Variants in DNMT3B observed in about 807,000 individuals in gnomAD.
DNMT3B encodes the protein DNA (cytosine-5)-methyltransferase 3B.
DNMT3B carries 37 observed loss-of-function variants against 120.2 expected under a neutral mutation model. That is an observed-to-expected ratio of 0.31 (90% CI 0.24 to 0.40). The LOEUF (loss-of-function observed/expected upper bound fraction) is 0.40, where lower values mean the gene tolerates loss of function less well. Ranked by LOEUF, DNMT3B falls within the 10% of genes least tolerant of loss-of-function variation. The pLI, the probability that DNMT3B is intolerant of heterozygous loss-of-function variation, is 1.00. For missense variants in DNMT3B, 878 were observed against 1,137.3 expected (o/e 0.77, Z 3.28); for synonymous variants, 412 against 442.8 (o/e 0.93, Z 0.87).
chr20:32,796,461 T>C (rs575457655), intron 12 of DNMT3B, among the ~76,000 whole-genome samples: 1 of 152,314 alleles, frequency 6.6e-6, no homozygotes, highest in South Asian at 2.1e-4. Context: ...AACAAGCCAA[T>C]TGGAGTCACC....
At chr20:32,799,127 T>C in intron 15 of DNMT3B, 117 bp from the exon 16 acceptor site, 1 of 1,138,258 alleles carries the variant, frequency 8.8e-7, no homozygotes. Flanking sequence ...AGTGGGCTTT[T>C]TGCAGTGGCT....
At chr20:32,766,329 C>T (rs528785840) in intron 1 of DNMT3B, among the ~76,000 whole-genome samples, 22 of 151,616 alleles carry the variant, frequency 1.5e-4, no homozygotes, top group Admixed American at 2.0e-4. Context: ...GGCGACAGAC[C>T]GAGACCCTGT....
chr20:32,774,508 CTTTTTT>C (rs386393640), intron 1 of DNMT3B, among the ~76,000 whole-genome samples: 1 of 98,512 alleles, frequency 1.0e-5, no homozygotes. Flanking sequence ...CGCGCCTGGC[CTTTTTT>C]TTTTTTTTTT....
intron 1 of DNMT3B, among the ~76,000 whole-genome samples, chr20:32,764,342 T>C (rs377523941): frequency 6.6e-6 from 1 of 152,198 alleles, no homozygotes; most frequent in African/African-American, 2.4e-5. Context: ...CTCTACCACA[T>C]TGGGCCTGGG....
chr20:32,780,171 C>G, intron 1 of DNMT3B, 147 bp from the exon 2 acceptor site: 1 of 1,613,280 alleles, frequency 6.2e-7, no homozygotes, highest in Non-Finnish European at 8.5e-7. Context: ...TGGGGGGCAG[C>G]CTGGGTGGGG....
intron 20 of DNMT3B, among the ~76,000 whole-genome samples, chr20:32,803,859 G>A (rs1365777826): frequency 6.6e-6 from 1 of 152,174 alleles, no homozygotes; most frequent in Non-Finnish European, 1.5e-5. Flanking sequence ...TTTGGCATGG[G>A]AAGTTACAGA....
intron 1 of DNMT3B, among the ~76,000 whole-genome samples, chr20:32,779,620 C>T (rs979362794): frequency 6.6e-6 from 1 of 152,172 alleles, no homozygotes; most frequent in Non-Finnish European, 1.5e-5. Flanking sequence ...TGGGGAGTCC[C>T]CCTCCTGGTA....
At chr20:32,793,729 C>T (rs1980267616) in intron 10 of DNMT3B, 134 bp downstream of exon 10, 2 of 977,334 alleles carry the variant, frequency 2.0e-6, no homozygotes, top group African/African-American at 1.6e-5. Context: ...CCACTCTCCC[C>T]TCACATCCCA....
intron 3 of DNMT3B, among the ~76,000 whole-genome samples, chr20:32,783,757 A>C (rs1005248965): frequency 7.9e-5 from 12 of 152,112 alleles, no homozygotes; most frequent in African/African-American, 1.7e-4. Context: ...CAGAGTCTCC[A>C]GTCTGTCGCC....
chr20:32,791,797 G>A lies in DNMT3B; in HGVS notation c.921+89G>A, dbSNP rs566840246. The A allele has an allele frequency of 6.8e-6, 10 of 1,465,436 alleles. No homozygotes were observed. The East Asian group carries it at 1.4e-4, about 20-fold the overall frequency. 90.8% of individuals were successfully genotyped at this position (1,465,436 alleles called of 1,614,324 possible). A position where few individuals can be genotyped will look rare whatever the true frequency, so the allele number is the denominator to read the frequency against. On this transcript the variant is annotated intron_variant, in intron 8 of 22. Transcript: ENST00000328111. The stretch of plus-strand genomic sequence containing the variant: ...GAAACCTAGCTCAGTGTTGCCAAGG[G>A]TGGTTTGGAGGGGACAGGGTGGCCA...
chr20:32,802,248 T>C, intron 19 of DNMT3B, 137 bp from the exon 20 acceptor site: 2 of 892,348 alleles, frequency 2.2e-6, no homozygotes, highest in Non-Finnish European at 3.8e-6. Flanking sequence ...AGCCTCCTGA[T>C]GGCAGTAGGT....
chr20:32,774,256 C>T (rs189874627), intron 1 of DNMT3B, among the ~76,000 whole-genome samples: 6 of 151,840 alleles, frequency 4.0e-5, no homozygotes, highest in Non-Finnish European at 8.8e-5. Flanking sequence ...GTCACCTAGG[C>T]TGGAGTGCAG....
At chr20:32,806,376 A>G in intron 22 of DNMT3B, 49 bp downstream of exon 22, 7 of 1,546,448 alleles carry the variant, frequency 4.5e-6, no homozygotes, top group Non-Finnish European at 5.3e-6. Context: ...TCAAAACACA[A>G]ATGGGCAGAC....
In DNMT3B at chr20:32,787,282, C is replaced by G; in HGVS notation, c.485C>G (p.Pro162Arg). 1 of 1,614,244 alleles carries G rather than the reference C, an allele frequency of 6.2e-7. No homozygotes were observed. Residue 162 changes from proline to arginine, a missense_variant, in exon 6 of 23, where the codon CCC becomes CGC. Physicochemically the swap from Pro to Arg is moderately radical, Grantham distance 103. Coordinates refer to ENST00000328111, the MANE Select transcript of DNMT3B (RefSeq NM_006892.4). The part of the protein sequence containing the change: ...ASAGTPWPSP[P>R]SSYLTIDLTD... ...GCAGGAACGCCATGGCCGTCCCCTCCCAGCTCTTACCTTACCATCGACCTC... is the reference window on the plus strand; with the variant it reads ...GCAGGAACGCCATGGCCGTCCCCTCGCAGCTCTTACCTTACCATCGACCTC...
chr20:32,801,566 C>T (rs1409081863), intron 19 of DNMT3B, 140 bp downstream of exon 19: 1 of 1,144,724 alleles, frequency 8.7e-7, no homozygotes, highest in African/African-American at 1.5e-5. Flanking sequence ...GTGAGGGATT[C>T]AGTGGGTTCT....
intron 3 of DNMT3B, among the ~76,000 whole-genome samples, chr20:32,782,275 A>G (rs915548633): frequency 6.6e-6 from 1 of 152,242 alleles, no homozygotes; most frequent in African/African-American, 2.4e-5. Flanking sequence ...GCCAGGGAGC[A>G]TTGAGCCTAT....
chr20:32,806,264 AC>A lies in DNMT3B; in HGVS notation c.2359del (p.Gln787AsnfsTer7). The A allele has an allele frequency of 6.2e-7, 1 of 1,614,220 alleles. No homozygotes were observed. Among genetic ancestry groups the A allele is most frequent in the Non-Finnish European group, 8.5e-7 (1 of 1,180,056 alleles). ...TCGAACTCGATCAAACAGGGGAAAAACCAACTTTTCCCTGTTGTCATGAATG... is the reference window on the plus strand; with the variant it reads ...TCGAACTCGATCAAACAGGGGAAAAACAACTTTTCCCTGTTGTCATGAATG... ...TKSNSIKQGKNQLFPVVMNGK... is the reference protein window; with the variant it reads ...TKSNSIKQGKXQLFPVVMNGK... On this transcript the variant is annotated frameshift_variant, in exon 22 of 23. Coordinates refer to ENST00000328111, the MANE Select transcript of DNMT3B (RefSeq NM_006892.4). LOFTEE classifies it high-confidence loss of function.
At chr20:32,793,298 A>G (rs1444371652) in intron 9 of DNMT3B, among the ~76,000 whole-genome samples, 1 of 152,058 alleles carries the variant, frequency 6.6e-6, no homozygotes, top group Non-Finnish European at 1.5e-5. Flanking sequence ...CCTGGACAAC[A>G]TGGTGAAAAA....
chr20:32,806,171 A>T, intron 21 of DNMT3B, 38 bp from the exon 22 acceptor site: 1 of 1,599,802 alleles, frequency 6.3e-7, no homozygotes, highest in Non-Finnish European at 8.6e-7. Context: ...AGGTCCCTTC[A>T]TTCTGTGCTC....
Sources: allele counts gnomAD v4.1 joint callset (sites outside exome capture counted in the v4.1 genomes callset), GRCh38; gene constraint gnomAD v4.1.1; transcripts MANE v1.5; gene names NCBI Gene and HGNC (gene_info 2026-07-23, HGNC 2026-07-21).